USP24: variants seen among roughly 807,000 people sequenced by gnomAD.
USP24 encodes ubiquitin carboxyl-terminal hydrolase 24.
Under a neutral mutation model 361.6 loss-of-function variants are expected in USP24, and 97 were observed. The observed-to-expected ratio is 0.27, with a 90% CI of 0.23 to 0.32. USP24 has a LOEUF of 0.32. USP24 is among the 10% of genes least tolerant of loss of function. The pLI is 1.00. For synonymous variants in USP24, 1,098 were observed against 1,124.6 expected (o/e 0.98, Z 0.47); for missense variants, 2,353 against 3,165.6 (o/e 0.74, Z 6.16).
chr1:55,088,128 G>C (rs1283016326), intron 55 of USP24, among the ~76,000 whole-genome samples: 1 of 152,212 alleles, frequency 6.6e-6, no homozygotes, highest in Non-Finnish European at 1.5e-5. Flanking sequence ...TAACCAGAGA[G>C]GTAATGTGAT....
intron 31 of USP24, 103 bp downstream of exon 31, chr1:55,132,437 TCATCA>T: frequency 7.7e-7 from 1 of 1,296,766 alleles, no homozygotes; most frequent in South Asian, 1.8e-5. Flanking sequence ...TTTCAACCAA[TCATCA>T]CATAACAGAA....
At position 55,125,769 on chromosome 1, in the gene USP24, A is replaced by C; in HGVS notation, c.3636-11T>G. 1 of 1,555,502 alleles carries C rather than the reference A, an allele frequency of 6.4e-7. No homozygotes were observed. The highest frequency in any genetic ancestry group is 1.2e-5 in the South Asian group (1 of 82,198). On this transcript the variant is annotated splice_polypyrimidine_tract_variant and intron_variant, in intron 32 of 67. Transcript: ENST00000294383. ...ACATTTACAACCAAACTTCAAAAAG[A>C]AGAAAAAAAGGCAGGATATTAAAGA...
In USP24 at chr1:55,139,113, C is replaced by T; in HGVS notation, c.2751-103G>A. ...AAACCACAATAACAGTTAGCACTCA[C>T]TGGTCAAAGACTGAAATTTGCAAAG... On this transcript the variant is annotated intron_variant, in intron 24 of 67. Coordinates refer to ENST00000294383, the MANE Select transcript of USP24 (RefSeq NM_015306.3). 1.1e-5 allele frequency: 11 copies of T among 1,031,058 alleles called. No individual in the cohort carries two copies. In the South Asian group the frequency reaches 1.8e-4, roughly 17 times the overall value. 63.9% of individuals were successfully genotyped at this position (1,031,058 alleles called of 1,614,324 possible).
intron 7 of USP24, among the ~76,000 whole-genome samples, chr1:55,163,445 AC>A (rs1416934572): frequency 6.6e-6 from 1 of 152,078 alleles, no homozygotes; most frequent in Non-Finnish European, 1.5e-5. Context: ...ACCCAAAGAG[AC>A]CTAAATAAAC....
intron 31 of USP24, 138 bp downstream of exon 31, chr1:55,132,407 A>G (rs1468335800): frequency 9.1e-7 from 1 of 1,096,706 alleles, no homozygotes. Flanking sequence ...TCAATTTATA[A>G]TCTATTTCTT....
chr1:55,206,360 G>A (rs1644703884), intron 1 of USP24, among the ~76,000 whole-genome samples: 2 of 152,316 alleles, frequency 1.3e-5, no homozygotes, highest in Admixed American at 1.3e-4. Flanking sequence ...GTTCCGTACA[G>A]AGAAGTGGCA....
chr1:55,103,742 G>A (rs1645699567), intron 42 of USP24, 134 bp downstream of exon 42: 5 of 901,496 alleles, frequency 5.5e-6, no homozygotes, highest in African/African-American at 3.4e-5. Context: ...CTTGATTTGA[G>A]TATGTGAACA....
intron 1 of USP24, among the ~76,000 whole-genome samples, chr1:55,194,584 A>G (rs1644369329): frequency 6.6e-6 from 1 of 152,122 alleles, no homozygotes; most frequent in Admixed American, 6.5e-5. Context: ...GCTGGGCGAC[A>G]GAGGGAGACC....
intron 62 of USP24, among the ~76,000 whole-genome samples, chr1:55,076,916 G>A (rs750184530): frequency 2.6e-5 from 4 of 152,104 alleles, no homozygotes; most frequent in African/African-American, 7.2e-5. Context: ...TATCATTTGC[G>A]CTAACACGAT....
chr1:55,176,324 C>T (rs1649977834), intron 3 of USP24, 52 bp downstream of exon 3: 1 of 1,486,556 alleles, frequency 6.7e-7, no homozygotes, highest in Admixed American at 2.1e-5. Context: ...CTTCCTTCAC[C>T]CTGCCCCCAC....
intron 18 of USP24, among the ~76,000 whole-genome samples, 169 bp from the exon 19 acceptor site, chr1:55,147,229 G>T (rs1441830634): frequency 6.6e-6 from 1 of 152,162 alleles, no homozygotes; most frequent in Non-Finnish European, 1.5e-5. Context: ...ATAGTACAAT[G>T]TAATAGAAGC....
chr1:55,162,194 C>A lies in USP24; in HGVS notation c.993+5G>T. 6.3e-7 allele frequency: 1 copy of A among 1,589,180 alleles called. No individual in the cohort carries two copies. The highest frequency in any genetic ancestry group is 8.5e-7 in the Non-Finnish European group (1 of 1,169,920). ...ATGAAGTAATGTGAAATGGTTTAAT[C>A]CTACCTGTACCACGGAGGAATTGAG... On this transcript the variant is annotated splice_donor_5th_base_variant and intron_variant, in intron 8 of 67. Coordinates refer to ENST00000294383, the MANE Select transcript of USP24 (RefSeq NM_015306.3).
chr1:55,168,732 A>G (rs1398766862), intron 5 of USP24, among the ~76,000 whole-genome samples: 1 of 152,192 alleles, frequency 6.6e-6, no homozygotes, highest in African/African-American at 2.4e-5. Context: ...ATTCATAACC[A>G]CAGAATTGCC....
At chr1:55,159,303 G>T (rs891151290) in intron 9 of USP24, among the ~76,000 whole-genome samples, 1 of 152,142 alleles carries the variant, frequency 6.6e-6, no homozygotes, top group Non-Finnish European at 1.5e-5. Context: ...ACAACTCTGG[G>T]TAAGTTGTAA....
At chr1:55,136,033 T>C (rs1321989731) in intron 28 of USP24, among the ~76,000 whole-genome samples, 1 of 152,134 alleles carries the variant, frequency 6.6e-6, no homozygotes, top group Non-Finnish European at 1.5e-5. Context: ...GGAGCTTACA[T>C]TTTATTGGGA....
At chr1:55,165,814 T>C (rs1301720613) in intron 7 of USP24, 71 bp downstream of exon 7, 1 of 1,342,186 alleles carries the variant, frequency 7.5e-7, no homozygotes, top group Admixed American at 2.1e-5. Context: ...GTCCAGACCA[T>C]ATCCTCTGGC....
chr1:55,177,343 G>A (rs1024601647), intron 2 of USP24, among the ~76,000 whole-genome samples: 1 of 151,960 alleles, frequency 6.6e-6, no homozygotes, highest in African/African-American at 2.4e-5. Flanking sequence ...GCTTATCATT[G>A]GGAATACTGC....
At chr1:55,127,402 C>A (rs371128420) in intron 32 of USP24, among the ~76,000 whole-genome samples, 4 of 152,130 alleles carry the variant, frequency 2.6e-5, no homozygotes, top group Admixed American at 6.5e-5. Context: ...TGAACTCATC[C>A]TTTTTTATGG....
chr1:55,201,138 A>C (rs1263265951), intron 1 of USP24, among the ~76,000 whole-genome samples: 1 of 152,238 alleles, frequency 6.6e-6, no homozygotes, highest in Admixed American at 6.5e-5. Flanking sequence ...TATTTTAGGC[A>C]AAAGTAGATT....
Sources: gnomAD v4.1 joint callset for allele counts (sites outside exome capture counted in the v4.1 genomes callset) on GRCh38, gnomAD v4.1.1 for gene constraint, MANE v1.5 for transcripts, NCBI Gene and HGNC (gene_info 2026-07-23, HGNC 2026-07-21) for gene names.